The following IL1RAPL1 variants were observed in gnomAD, a reference collection of about 807,000 sequenced individuals.
IL1RAPL1 encodes interleukin-1 receptor accessory protein-like 1.
Under a neutral mutation model 48.4 loss-of-function variants are expected in IL1RAPL1, and 3 were observed. The observed-to-expected ratio is 0.06, with a 90% confidence interval of 0.03 to 0.16. The LOEUF is 0.16. Among genes scored for constraint, IL1RAPL1 ranks in the 10% least tolerant of loss-of-function variants. The probability of loss-of-function intolerance (pLI) is 1.00; values close to 1 mark genes in which losing one functional copy is unlikely to be tolerated. For missense variants in IL1RAPL1, 349 were observed against 530.6 expected (o/e 0.66, Z 3.36); for synonymous variants, 185 against 187.7 (o/e 0.99, Z 0.12).
intron 2 of IL1RAPL1, among the ~76,000 whole-genome samples, chrX:28,952,414 A>G (rs776131573): frequency 8.9e-6 from 1 of 111,791 alleles, no homozygotes; most frequent in East Asian, 2.8e-4. Context: ...AGGACAACGT[A>G]AAAGTTTATT....
intron 5 of IL1RAPL1, among the ~76,000 whole-genome samples, chrX:29,503,596 CTTTA>C (rs775108248): frequency 9.0e-6 from 1 of 111,465 alleles, no homozygotes; most frequent in Non-Finnish European, 1.9e-5. Flanking sequence ...CTTTTAATTT[CTTTA>C]TTCATTCATT....
At chrX:29,799,007 T>A (rs1387855431) in intron 6 of IL1RAPL1, among the ~76,000 whole-genome samples, 1 of 111,954 alleles carries the variant, frequency 8.9e-6, no homozygotes. Flanking sequence ...ATTTGCTTTT[T>A]TAGTTGTTGT....
intron 5 of IL1RAPL1, among the ~76,000 whole-genome samples, chrX:29,627,822 G>A (rs904430735): frequency 8.9e-6 from 1 of 112,286 alleles, no homozygotes; most frequent in African/African-American, 3.2e-5. Flanking sequence ...GCAGCGTGAA[G>A]TAACTCTCTT....
At chrX:29,720,993 C>T (rs964504451) in intron 6 of IL1RAPL1, among the ~76,000 whole-genome samples, 3 of 112,155 alleles carry the variant, frequency 2.7e-5, no homozygotes, top group Non-Finnish European at 5.6e-5. Flanking sequence ...AGTCCAAAGC[C>T]AGTAGTGCTC....
At chrX:28,736,384 A>T (rs1226806423) in intron 1 of IL1RAPL1, among the ~76,000 whole-genome samples, 2 of 107,734 alleles carry the variant, frequency 1.9e-5, no homozygotes, top group Non-Finnish European at 3.8e-5. Flanking sequence ...CAGTGAGCCG[A>T]GGTTGTGCCA....
At chrX:28,976,794 G>T (rs1018260404) in intron 2 of IL1RAPL1, among the ~76,000 whole-genome samples, 5 of 111,335 alleles carry the variant, frequency 4.5e-5, no homozygotes, top group African/African-American at 1.6e-4. Flanking sequence ...TGAACAGTGA[G>T]GTGAAAGGAA....
rs748821997 is a variant in IL1RAPL1 at position 29,418,962 on chromosome X, C to T, written c.703+19654C>T. 5.4e-5 allele frequency among the ~76,000 whole-genome samples: 6 copies of T among 112,117 alleles called. No individual in the cohort carries two copies. In the East Asian group the frequency reaches 1.4e-3, roughly 26 times the overall value. ...ACATTTAGTAAGAAATAAAATTACA[C>T]TCAGAGCAATAATTTTATACTTTCG... On this transcript the variant is annotated intron_variant, in intron 5 of 10. Coordinates refer to ENST00000378993, the MANE Select transcript of IL1RAPL1 (RefSeq NM_014271.4).
In IL1RAPL1 at chrX:29,204,951, A is replaced by G. The variant is rs1930633534; in HGVS notation, c.83-77987A>G. On this transcript the variant is annotated intron_variant, in intron 2 of 10. Coordinates refer to ENST00000378993, the MANE Select transcript of IL1RAPL1 (RefSeq NM_014271.4). Reference sequence around the variant, plus strand: ...GTTCCTAAACTAAATGCTCTAAGAAACGGAGGTTTGGGTTGGAACAAAGAT... The same window carrying G: ...GTTCCTAAACTAAATGCTCTAAGAAGCGGAGGTTTGGGTTGGAACAAAGAT... Among the ~76,000 whole-genome samples the G allele has an allele frequency of 3.6e-5, 4 of 112,060 alleles. No homozygotes were observed. The South Asian group carries it at 1.5e-3, about 41-fold the overall frequency.
At chrX:29,413,662 T>C (rs1934176980) in intron 5 of IL1RAPL1, among the ~76,000 whole-genome samples, 1 of 109,933 alleles carries the variant, frequency 9.1e-6, no homozygotes, top group Non-Finnish European at 1.9e-5. Flanking sequence ...GCTTCATCCA[T>C]GTCCCTATAA....
intron 2 of IL1RAPL1, among the ~76,000 whole-genome samples, chrX:29,252,209 T>C (rs1360905940): frequency 7.2e-5 from 8 of 111,442 alleles, no homozygotes; most frequent in East Asian, 5.5e-4. Flanking sequence ...GGCACATGTA[T>C]ACATATGTAA....
intron 2 of IL1RAPL1, among the ~76,000 whole-genome samples, chrX:28,925,293 A>G (rs1357859106): frequency 3.6e-5 from 4 of 111,894 alleles, no homozygotes; most frequent in African/African-American, 9.7e-5. Context: ...CGAGAAGACA[A>G]TTGCATAAAA....
chrX:28,715,431 A>C (rs982169517), intron 1 of IL1RAPL1, among the ~76,000 whole-genome samples: 1 of 112,178 alleles, frequency 8.9e-6, no homozygotes, highest in Non-Finnish European at 1.9e-5. Flanking sequence ...CTAAATGCCC[A>C]CATCAAAAAG....
intron 6 of IL1RAPL1, among the ~76,000 whole-genome samples, chrX:29,702,023 G>T (rs955013414): frequency 4.5e-5 from 5 of 111,437 alleles, no homozygotes; most frequent in African/African-American, 1.6e-4. Context: ...GGGAGGCCGA[G>T]GTAGGCGGAT....
At chrX:29,885,533 G>A (rs529250728) in intron 6 of IL1RAPL1, among the ~76,000 whole-genome samples, 71 of 111,641 alleles carry the variant, frequency 6.4e-4, no homozygotes, top group African/African-American at 2.0e-3. Context: ...ACAATCAGAC[G>A]GGCATGGTGG....
intron 2 of IL1RAPL1, among the ~76,000 whole-genome samples, chrX:28,922,582 T>C (rs1923640937): frequency 8.9e-6 from 1 of 112,165 alleles, no homozygotes; most frequent in Non-Finnish European, 1.9e-5. Flanking sequence ...TTTATACTTC[T>C]TTGACATTTT....
At chrX:29,937,631 T>A (rs759633445) in intron 8 of IL1RAPL1, among the ~76,000 whole-genome samples, 2 of 112,131 alleles carry the variant, frequency 1.8e-5, no homozygotes, top group East Asian at 2.8e-4. Flanking sequence ...CTTGCATACA[T>A]GTATAATGTG....
rs142309217 is a variant in IL1RAPL1 at position 29,584,433 on chromosome X, A to G, written c.704-83997A>G. Among the ~76,000 whole-genome samples the G allele has an allele frequency of 2.2e-3, 243 of 111,124 alleles. 3 individuals carry two copies. Among genetic ancestry groups the G allele is most frequent in the African/African-American group, 7.2e-3 (221 of 30,603 alleles). On this transcript the variant is annotated intron_variant, in intron 5 of 10. Transcript: ENST00000378993. Reference sequence around the variant, plus strand: ...TTGCAATATGCCTAAAATTTCTTCAATTTCTTTAATTAATTTATCTCCTCC... The same window carrying G: ...TTGCAATATGCCTAAAATTTCTTCAGTTTCTTTAATTAATTTATCTCCTCC...
At chrX:28,959,934 C>T (rs1056079725) in intron 2 of IL1RAPL1, among the ~76,000 whole-genome samples, 1 of 111,570 alleles carries the variant, frequency 9.0e-6, no homozygotes, top group Non-Finnish European at 1.9e-5. Context: ...TCTTTTCTGT[C>T]CCTGAACATG....
At chrX:29,199,219 G>A (rs766029789) in intron 2 of IL1RAPL1, among the ~76,000 whole-genome samples, 62 of 111,214 alleles carry the variant, frequency 5.6e-4, no homozygotes, top group Non-Finnish European at 1.1e-3. Flanking sequence ...TATAAATAAC[G>A]TTACACAAAT....
Sources: allele counts gnomAD v4.1 joint callset (sites outside exome capture counted in the v4.1 genomes callset), GRCh38; gene constraint gnomAD v4.1.1; transcripts MANE v1.5; gene names NCBI Gene and HGNC (gene_info 2026-07-23, HGNC 2026-07-21).